Variants in GIPC2 observed in about 807,000 individuals in gnomAD.
GIPC2 encodes GIPC PDZ domain containing family member 2.
In GIPC2, 30 loss-of-function variants were observed where a neutral mutation model predicts 30.6. That is an observed-to-expected ratio of 0.98 (90% confidence interval 0.73 to 1.33). The LOEUF is 1.33. Ranked by LOEUF, GIPC2 falls within the 40% of genes most tolerant of loss-of-function variation. The probability of loss-of-function intolerance (pLI) is 0.00; values close to 1 mark genes in which losing one functional copy is unlikely to be tolerated. For missense variants in GIPC2, 414 were observed against 390.3 expected (o/e 1.06, Z -0.51); for synonymous variants, 167 against 150.0 (o/e 1.11, Z -0.83).
rs747695998 is a variant in GIPC2, at chr1:78,135,711, G to A, written c.916G>A (p.Val306Ile). The A allele has an allele frequency of 2.0e-5, 32 of 1,613,600 alleles. No homozygotes were observed. The highest frequency in any genetic ancestry group is 2.5e-5 in the Non-Finnish European group (30 of 1,179,778). ...CGAATTTGTCTTTGATGTTTGGGGA[G>A]TCATTGGTGATGCCAAACGAAGAGG... ...PDEFVFDVWG[V>I]IGDAKRRGL Residue 306 changes from valine to isoleucine, a missense_variant, in exon 6 of 6, where the codon GTC (valine) becomes ATC (isoleucine). Transcript: ENST00000370759.
Position 78,101,442 on chromosome 1 carries a change from A to G in GIPC2, c.607+6310A>G, listed in dbSNP as rs140454782. Reference sequence around the variant, plus strand: ...GAGTTGAAAATATTGTGCTTTGTACATTGCAAATATTGTTTCAGTTACAAA... The same window carrying G: ...GAGTTGAAAATATTGTGCTTTGTACGTTGCAAATATTGTTTCAGTTACAAA... On this transcript the variant is annotated intron_variant, in intron 3 of 5. Coordinates refer to ENST00000370759, the MANE Select transcript of GIPC2 (RefSeq NM_017655.6). 3.6e-4 allele frequency among the ~76,000 whole-genome samples: 55 copies of G among 152,336 alleles called. No homozygotes were observed. In the East Asian group the frequency reaches 8.7e-3, roughly 24 times the overall value.
At chr1:78,082,459 G>A (rs545080423) in intron 2 of GIPC2, among the ~76,000 whole-genome samples, 1 of 152,308 alleles carries the variant, frequency 6.6e-6, no homozygotes, top group African/African-American at 2.4e-5. Flanking sequence ...CTGTGCTGAA[G>A]GTTGAGTGAG....
intron 1 of GIPC2, among the ~76,000 whole-genome samples, chr1:78,065,545 C>A (rs1281825711): frequency 6.8e-6 from 1 of 147,300 alleles, no homozygotes; most frequent in Non-Finnish European, 1.5e-5. Flanking sequence ...AAAAAAAAAA[C>A]TGTTTTAAAA....
chr1:78,082,048 A>G (rs1330807527), intron 2 of GIPC2, among the ~76,000 whole-genome samples: 1 of 152,168 alleles, frequency 6.6e-6, no homozygotes, highest in African/African-American at 2.4e-5. Context: ...CATGAACTTC[A>G]TATAATCATA....
At chr1:78,065,511 C>T (rs1557529876) in intron 1 of GIPC2, among the ~76,000 whole-genome samples, 2 of 150,796 alleles carry the variant, frequency 1.3e-5, no homozygotes, top group South Asian at 4.2e-4. Context: ...ATTAAACTAC[C>T]AAGGACATTC....
intron 1 of GIPC2, among the ~76,000 whole-genome samples, chr1:78,060,867 CTG>C (rs2102641131): frequency 6.7e-6 from 1 of 149,984 alleles, no homozygotes; most frequent in South Asian, 2.1e-4. Context: ...ACATTCATAT[CTG>C]TGTGGGGGGT....
chr1:78,073,427 C>T (rs1225464370), intron 1 of GIPC2, among the ~76,000 whole-genome samples: 2 of 152,076 alleles, frequency 1.3e-5, no homozygotes, highest in African/African-American at 4.8e-5. Context: ...TCTATAATGA[C>T]ATTGGCTGAT....
chr1:78,063,014 C>T (rs1011416029), intron 1 of GIPC2, among the ~76,000 whole-genome samples: 6 of 152,126 alleles, frequency 3.9e-5, no homozygotes, highest in African/African-American at 1.2e-4. Flanking sequence ...CTTTCCTTTA[C>T]GTAAGTGATT....
At chr1:78,086,671 T>C (rs1257988153) in intron 2 of GIPC2, among the ~76,000 whole-genome samples, 1 of 152,206 alleles carries the variant, frequency 6.6e-6, no homozygotes, top group Non-Finnish European at 1.5e-5. Flanking sequence ...CCTTTTACCA[T>C]TATATAATTC....
intron 1 of GIPC2, among the ~76,000 whole-genome samples, chr1:78,058,802 G>A (rs1351729988): frequency 1.3e-5 from 2 of 151,946 alleles, no homozygotes; most frequent in Non-Finnish European, 2.9e-5. Context: ...CAAACACTCC[G>A]TGGACCAATA....
intron 3 of GIPC2, among the ~76,000 whole-genome samples, chr1:78,117,905 C>T (rs527960539): frequency 6.6e-6 from 1 of 152,258 alleles, no homozygotes; most frequent in East Asian, 1.9e-4. Context: ...ACACAAAACT[C>T]TGAGTATCCT....
intron 1 of GIPC2, among the ~76,000 whole-genome samples, chr1:78,063,148 C>T (rs901486109): frequency 2.0e-5 from 3 of 152,252 alleles, no homozygotes; most frequent in Admixed American, 2.0e-4. Context: ...TTCCTTAACT[C>T]TAATATTAGA....
chr1:78,105,605 A>G (rs1183705801), intron 3 of GIPC2, among the ~76,000 whole-genome samples: 1 of 152,084 alleles, frequency 6.6e-6, no homozygotes, highest in Admixed American at 6.6e-5. Flanking sequence ...ATGTTTTTTA[A>G]GGACCATTTA....
intron 2 of GIPC2, among the ~76,000 whole-genome samples, chr1:78,090,620 C>T (rs540084821): frequency 6.6e-6 from 1 of 152,308 alleles, no homozygotes; most frequent in Non-Finnish European, 1.5e-5. Flanking sequence ...TGACTAACCA[C>T]AAAACTGTCA....
intron 1 of GIPC2, among the ~76,000 whole-genome samples, chr1:78,062,322 T>C (rs1183977345): frequency 6.6e-6 from 1 of 152,068 alleles, no homozygotes; most frequent in Non-Finnish European, 1.5e-5. Context: ...ACTAGCAGTG[T>C]GTTCTGGGTG....
chr1:78,081,181 T>C (rs1320646609), intron 2 of GIPC2, among the ~76,000 whole-genome samples: 1 of 113,100 alleles, frequency 8.8e-6, no homozygotes, highest in Admixed American at 9.1e-5. Context: ...TTCTGGCTTA[T>C]TTCCATTGAA....
At chr1:78,104,980 G>A (rs980235735) in intron 3 of GIPC2, among the ~76,000 whole-genome samples, 3 of 152,204 alleles carry the variant, frequency 2.0e-5, no homozygotes, top group South Asian at 2.1e-4. Flanking sequence ...CTTAGCATTT[G>A]TCACAAAGAT....
Position 78,091,487 on chromosome 1 carries a change from C to G in GIPC2, c.427-3465C>G, listed in dbSNP as rs1315653566. On this transcript the variant is annotated intron_variant, in intron 2 of 5. Transcript: ENST00000370759. ...GGCTCTACCTTCCCTGTTTTCACCTCCCGCTGCGCTAATGGCTCCCAAAGG... is the reference window on the plus strand; with the variant it reads ...GGCTCTACCTTCCCTGTTTTCACCTGCCGCTGCGCTAATGGCTCCCAAAGG... 4.4e-6 allele frequency: 3 copies of G among 680,134 alleles called. No individual in the cohort carries two copies. In the African/African-American group the frequency reaches 5.3e-5, roughly 12 times the overall value. The allele number at this position is 680,134 out of a possible 1,614,324, so 42.1% of individuals were successfully genotyped here.
intron 1 of GIPC2, among the ~76,000 whole-genome samples, chr1:78,074,899 A>T (rs140287672): frequency 4.4e-4 from 67 of 152,304 alleles, no homozygotes; most frequent in African/African-American, 1.6e-3. Context: ...TATTTTTTAA[A>T]GGATAAAATG....
Sources: gnomAD v4.1 joint callset for allele counts (sites outside exome capture counted in the v4.1 genomes callset) on GRCh38, gnomAD v4.1.1 for gene constraint, MANE v1.5 for transcripts, NCBI Gene and HGNC (gene_info 2026-07-23, HGNC 2026-07-21) for gene names.